ITGA7: variants seen among roughly 807,000 people sequenced by gnomAD.
The protein encoded by ITGA7 is integrin subunit alpha 7.
In ITGA7, 84 loss-of-function variants were observed where a neutral mutation model predicts 131.6. The ratio of observed to expected loss-of-function variants is 0.64; its 90% CI spans 0.54 to 0.77. The LOEUF (loss-of-function observed/expected upper bound fraction) is 0.77. ITGA7 is among the 30% of genes least tolerant of loss of function. The pLI, the probability that ITGA7 is intolerant of heterozygous loss-of-function variation, is 0.00. For missense variants in ITGA7, 1,399 were observed against 1,482.9 expected (o/e 0.94, Z 0.93); for synonymous variants, 548 against 600.7 (o/e 0.91, Z 1.28).
chr12:55,690,171 G>A (rs1388820257), intron 21 of ITGA7, among the ~76,000 whole-genome samples: 2 of 152,206 alleles, frequency 1.3e-5, no homozygotes, highest in South Asian at 2.1e-4. Flanking sequence ...AACTATCATC[G>A]GAGTGAACAG....
At chr12:55,702,287 C>G (rs1874220834) in intron 3 of ITGA7, among the ~76,000 whole-genome samples, 1 of 152,072 alleles carries the variant, frequency 6.6e-6, no homozygotes, top group South Asian at 2.1e-4. Context: ...TCACGCCATT[C>G]TCCTGCCTCA....
At position 55,685,114 on chromosome 12, in the gene ITGA7, C is replaced by T. The variant is rs1381410093; in HGVS notation, c.3358G>A (p.Ala1120Thr). 6.2e-7 allele frequency: 1 copy of T among 1,611,520 alleles called. No homozygotes were observed. ...GGGCCCAGCTCGGGATGCCCGTCAG[C>T]AGCCAGGATGGGGTGTGCATCCGGG... ...EGPDAHPILAADGHPELGPDG... is the reference protein window; with the variant it reads ...EGPDAHPILATDGHPELGPDG... Residue 1120 changes from alanine to threonine, a missense_variant, in exon 25 of 25, where the codon GCT becomes ACT. Physicochemically the swap from Ala to Thr is moderately conservative, Grantham distance 58. Transcript: ENST00000257879.
intron 22 of ITGA7, among the ~76,000 whole-genome samples, chr12:55,688,571 A>G (rs1870744498): frequency 6.6e-6 from 1 of 152,108 alleles, no homozygotes; most frequent in African/African-American, 2.4e-5. Context: ...TGAAAAATAC[A>G]AAAATATCGG....
intron 21 of ITGA7, 122 bp downstream of exon 21, chr12:55,692,722 A>G (rs1279413552): frequency 4.6e-6 from 6 of 1,314,918 alleles, no homozygotes; most frequent in African/African-American, 1.5e-5. Flanking sequence ...ACCCCCTCCT[A>G]TGAATTGTGA....
upstream of ITGA7, among the ~76,000 whole-genome samples, chr12:55,714,517 C>CAA (rs35046301): frequency 6.0e-4 from 72 of 120,446 alleles, 3 homozygotes; most frequent in African/African-American, 2.2e-3. Flanking sequence ...GACTCCGTCT[C>CAA]AAAAAAAAAA....
chr12:55,714,517 CAA>C (rs35046301), upstream of ITGA7, among the ~76,000 whole-genome samples: 2 of 120,480 alleles, frequency 1.7e-5, no homozygotes. Flanking sequence ...GACTCCGTCT[CAA>C]AAAAAAAAAT....
intron 5 of ITGA7, 53 bp from the exon 6 acceptor site, chr12:55,698,970 G>T: frequency 6.6e-7 from 1 of 1,515,694 alleles, no homozygotes; most frequent in South Asian, 1.2e-5. Context: ...TCAGAAGCTG[G>T]GGTGTGTCAC....
rs139539572 is a variant in ITGA7 at position 55,700,119 on chromosome 12, A to G, written c.671-130T>C. The G allele has an allele frequency of 1.1e-3, 1,607 of 1,419,880 alleles. 16 individuals carry two copies. The African/African-American group carries it at 0.02, about 18-fold the overall frequency. 88.0% of individuals were successfully genotyped at this position (1,419,880 alleles called of 1,614,324 possible). A position where few individuals can be genotyped will look rare whatever the true frequency, so the allele number is the denominator to read the frequency against. ...AGGTGGAGAGAGAAAAAGAGACCAGAGAGATCACAGCCAGAGACAGAAAGA... is the reference window on the plus strand; with the variant it reads ...AGGTGGAGAGAGAAAAAGAGACCAGGGAGATCACAGCCAGAGACAGAAAGA... On this transcript the variant is annotated intron_variant, in intron 4 of 24. Transcript: ENST00000257879.
In ITGA7 at chr12:55,694,446, G is replaced by T. The variant is rs774158285; in HGVS notation, c.2354C>A (p.Ala785Asp). 3.7e-6 allele frequency: 6 copies of T among 1,614,154 alleles called. No homozygotes were observed. The highest frequency in any genetic ancestry group is 2.2e-5 in the East Asian group (1 of 44,870). Reference protein sequence around the residue: ...TTELEVELLLATISEQELHPV... With the variant: ...TTELEVELLLDTISEQELHPV... ...CTTCCGGCCCCGCCTGGCTTACGTGGCCAACAGCAGCTCTACCTCCAGTTC... is the reference window on the plus strand; with the variant it reads ...CTTCCGGCCCCGCCTGGCTTACGTGTCCAACAGCAGCTCTACCTCCAGTTC... Residue 785 changes from alanine (A) to aspartate (D), a missense_variant, in exon 17 of 25, where the codon GCC becomes GAC. Transcript: ENST00000257879. This position sits in a 1 kb window ranked among gnomAD's most constrained non-coding sequence, Gnocchi z 5.3.
chr12:55,686,211 C>G (rs1251448140), intron 24 of ITGA7: 1 of 1,349,666 alleles, frequency 7.4e-7, no homozygotes, highest in Non-Finnish European at 9.8e-7. Context: ...CCCCACAGTC[C>G]CTGGACCCCC....
chr12:55,705,977 C>T (rs1306421153), intron 1 of ITGA7, among the ~76,000 whole-genome samples: 1 of 152,194 alleles, frequency 6.6e-6, no homozygotes, highest in African/African-American at 2.4e-5. Flanking sequence ...CCCCGCCCCC[C>T]AGCAGCAGAG....
At chr12:55,704,173 C>T (rs1874684262) in intron 1 of ITGA7, among the ~76,000 whole-genome samples, 1 of 152,182 alleles carries the variant, frequency 6.6e-6, no homozygotes, top group South Asian at 2.1e-4. Flanking sequence ...GTGGGACAAA[C>T]CTCAACGCCT....
intron 24 of ITGA7, among the ~76,000 whole-genome samples, chr12:55,686,929 G>A (rs368230087): frequency 1.2e-3 from 188 of 152,176 alleles, no homozygotes; most frequent in Admixed American, 2.6e-3. Flanking sequence ...CTGCCTCCAC[G>A]ACTTTGCCTA....
intron 4 of ITGA7, chr12:55,700,463 A>G (rs757577849): frequency 2.6e-6 from 4 of 1,529,822 alleles, no homozygotes; most frequent in Non-Finnish European, 3.5e-6. Context: ...ACACTGAGTT[A>G]GACAGGCACA....
upstream of ITGA7, among the ~76,000 whole-genome samples, chr12:55,708,634 T>G (rs1875718934): frequency 6.6e-6 from 1 of 152,002 alleles, no homozygotes; most frequent in East Asian, 1.9e-4. Flanking sequence ...AGAAAACGAC[T>G]GGGGATGATT....
chr12:55,707,994 C>A, upstream of ITGA7: 2 of 1,251,364 alleles, frequency 1.6e-6, no homozygotes, highest in Non-Finnish European at 2.0e-6. Context: ...GACCCAAGCC[C>A]GTCTCCAAGG....
chr12:55,692,990 G>T lies in ITGA7; in HGVS notation c.2713-15C>A. The T allele has an allele frequency of 6.2e-7, 1 of 1,613,898 alleles. No homozygotes were observed. The highest frequency in any genetic ancestry group is 1.3e-5 in the African/African-American group (1 of 75,016). On this transcript the variant is annotated splice_polypyrimidine_tract_variant and intron_variant, in intron 20 of 24. Transcript: ENST00000257879. ...CTGTCCACATCCTGGACACGGAAGG[G>T]GGGTCTTAGTGAGTGTCCCTCCAAT...
At chr12:55,702,755 A>C (rs946271091) in intron 3 of ITGA7, 117 bp downstream of exon 3, 1 of 851,050 alleles carries the variant, frequency 1.2e-6, no homozygotes, top group African/African-American at 1.7e-5. Flanking sequence ...ATGTACTTGG[A>C]ATCATACCAT....
In ITGA7 at chr12:55,698,898, C is replaced by T. The variant is rs3847675; in HGVS notation, c.810G>A (p.Gly270=). The change falls in exon 6 of 25, where the codon GGG becomes GGA. Residue 270 remains glycine, a synonymous_variant. Transcript: ENST00000257879. ...GCTCTTCTGCACGCACCAGACCTTT[C>T]CCCGAGTCAATAGAGAAGCCTGGGG... The part of the protein sequence containing the change: ...NSYLGFSIDS[G]KGLVRAEELS... The T allele has an allele frequency of 0.068, 110,314 of 1,612,572 alleles. 4,209 individuals carry two copies. Among genetic ancestry groups the T allele is most frequent in the Middle Eastern group, 0.11 (665 of 6,062 alleles).
Sources: gnomAD v4.1 joint callset for allele counts (sites outside exome capture counted in the v4.1 genomes callset) on GRCh38, gnomAD v4.1.1 for gene constraint, Gnocchi (gnomAD v3.1) non-coding constraint, MANE v1.5 for transcripts, NCBI Gene and HGNC (gene_info 2026-07-23, HGNC 2026-07-21) for gene names.